The following TRPC1 variants were observed in gnomAD, a reference collection of about 807,000 sequenced individuals.
TRPC1 encodes transient receptor potential cation channel subfamily C member 1, also known as short transient receptor potential channel 1.
Under a neutral mutation model 88.2 loss-of-function variants are expected in TRPC1, and 42 were observed. That is an observed-to-expected ratio of 0.48 (90% CI 0.37 to 0.62). The LOEUF is 0.62. TRPC1 is among the 20% of genes least tolerant of loss of function. The probability of loss-of-function intolerance (pLI) is 0.00; values close to 1 mark genes in which losing one functional copy is unlikely to be tolerated. For synonymous variants in TRPC1, 288 were observed against 331.8 expected, an observed-to-expected ratio of 0.87 and a Z score of 1.43; for missense variants, 699 against 957.3, an observed-to-expected ratio of 0.73 and a Z score of 3.56.
chr3:142,786,231 C>G (rs913588583), intron 7 of TRPC1, among the ~76,000 whole-genome samples: 6 of 152,150 alleles, frequency 3.9e-5, no homozygotes, highest in African/African-American at 1.2e-4. Context: ...TTAGTCTTAT[C>G]TATGGCACAA....
Position 142,724,588 on chromosome 3 carries a change from A to G in TRPC1, c.29A>G (p.Asp10Gly), listed in dbSNP as rs763751690. The G allele has an allele frequency of 1.9e-6, 3 of 1,593,434 alleles. No individual in the cohort carries two copies. The highest frequency in any genetic ancestry group is 1.1e-5 in the South Asian group (1 of 88,390). MMAALYPSTDLSGASSSSLP... is the reference protein window; with the variant it reads MMAALYPSTGLSGASSSSLP... Reference sequence around the variant, plus strand: ...ATGGCGGCCCTGTACCCGAGCACGGACCTCTCGGGCGCCTCCTCCTCCTCC... The same window carrying G: ...ATGGCGGCCCTGTACCCGAGCACGGGCCTCTCGGGCGCCTCCTCCTCCTCC... The change falls in exon 1 of 13, where the codon GAC becomes GGC. Residue 10 changes from aspartate to glycine, a missense_variant. Coordinates refer to ENST00000476941, the MANE Select transcript of TRPC1 (RefSeq NM_001251845.2). This position sits in a 1 kb window ranked among gnomAD's most constrained non-coding sequence, Gnocchi z 5.6.
At chr3:142,731,970 T>C (rs1933939690) in intron 1 of TRPC1, among the ~76,000 whole-genome samples, 1 of 152,164 alleles carries the variant, frequency 6.6e-6, no homozygotes, top group South Asian at 2.1e-4. Flanking sequence ...GCTGCTTTTG[T>C]GTTGAAAGGG....
intron 2 of TRPC1, 119 bp from the exon 3 acceptor site, chr3:142,743,366 T>C: frequency 1.4e-6 from 1 of 704,704 alleles, no homozygotes; most frequent in Non-Finnish European, 2.1e-6. Flanking sequence ...TGAAAAATTT[T>C]GTATTACTGT....
Position 142,777,782 on chromosome 3 carries a change from T to C in TRPC1, c.764+19T>C. On this transcript the variant is annotated intron_variant, in intron 5 of 12. Coordinates refer to ENST00000476941, the MANE Select transcript of TRPC1 (RefSeq NM_001251845.2). ...AATTCAGGTGGGAATGAATGCAAAT[T>C]ATATAATGTATTTTGTTTTAAATCT... 6.3e-7 allele frequency: 1 copy of C among 1,595,404 alleles called. No homozygotes were observed. The highest frequency in any genetic ancestry group is 1.8e-5 in the Admixed American group (1 of 56,858).
chr3:142,753,748 T>G (rs1934861996), intron 4 of TRPC1, among the ~76,000 whole-genome samples: 1 of 137,402 alleles, frequency 7.3e-6, no homozygotes, highest in Non-Finnish European at 1.6e-5. Flanking sequence ...AAAAAAAAAC[T>G]TAGAGAAATA....
rs76256260 is a variant in TRPC1, at chr3:142,792,115, C to T, written c.1438-709C>T. Among the ~76,000 whole-genome samples the T allele has an allele frequency of 3.5e-3, 539 of 151,970 alleles. 1 individual carries two copies. Among genetic ancestry groups the T allele is most frequent in the Middle Eastern group, 6.8e-3 (2 of 292 alleles). On this transcript the variant is annotated intron_variant, in intron 8 of 12. Transcript: ENST00000476941. The surrounding 1 kb of genome is among the most constrained non-coding windows in gnomAD (Gnocchi z 4.0). ...TCAGTAGTATGGAATATGTTAGGTACGTTCAGTGTCTAGAGTGTGAAATTA... is the reference window on the plus strand; with the variant it reads ...TCAGTAGTATGGAATATGTTAGGTATGTTCAGTGTCTAGAGTGTGAAATTA...
intron 9 of TRPC1, chr3:142,793,926 C>G: frequency 1.0e-6 from 1 of 983,112 alleles, no homozygotes; most frequent in South Asian, 4.7e-5. Context: ...AAGTGTGGCT[C>G]TCTTAACCAA....
At chr3:142,760,987 G>A (rs1264162010) in intron 4 of TRPC1, among the ~76,000 whole-genome samples, 2 of 151,834 alleles carry the variant, frequency 1.3e-5, no homozygotes, top group Non-Finnish European at 2.9e-5. Flanking sequence ...ATAGTTTTTT[G>A]GTGGAGTATT....
chr3:142,724,424 C>G lies in TRPC1; in HGVS notation c.-136C>G, dbSNP rs1933567604. Reference sequence around the variant, plus strand: ...GGGAGGCGACGCCCTTCGGGGCCAACGGGCCTCGAGCCGAGGCAGCAGTGG... The same window carrying G: ...GGGAGGCGACGCCCTTCGGGGCCAAGGGGCCTCGAGCCGAGGCAGCAGTGG... On this transcript the variant is annotated 5_prime_UTR_variant, in exon 1 of 13. Coordinates refer to ENST00000476941, the MANE Select transcript of TRPC1 (RefSeq NM_001251845.2). This position sits in a 1 kb window ranked among gnomAD's most constrained non-coding sequence, Gnocchi z 5.6. 2 of 808,350 alleles carry G rather than the reference C, an allele frequency of 2.5e-6. No individual in the cohort carries two copies. The highest frequency in any genetic ancestry group is 3.6e-6 in the Non-Finnish European group (2 of 562,800). The allele number at this position is 808,350 out of a possible 1,614,324, so 50.1% of individuals were successfully genotyped here.
At chr3:142,766,066 T>A (rs1935376223) in intron 4 of TRPC1, among the ~76,000 whole-genome samples, 1 of 152,132 alleles carries the variant, frequency 6.6e-6, no homozygotes, top group East Asian at 1.9e-4. Context: ...GGCAAGGTTA[T>A]GGAGAAAAAG....
chr3:142,757,014 T>G (rs1482595847), intron 4 of TRPC1, among the ~76,000 whole-genome samples: 1 of 152,196 alleles, frequency 6.6e-6, no homozygotes, highest in Non-Finnish European at 1.5e-5. Flanking sequence ...CTTAGCATAA[T>G]GGCCTCAGGT....
intron 2 of TRPC1, among the ~76,000 whole-genome samples, chr3:142,738,121 A>G (rs1207275103): frequency 2.0e-5 from 3 of 152,218 alleles, no homozygotes; most frequent in Non-Finnish European, 4.4e-5. Context: ...CAACCTATAT[A>G]GATGTTACAT....
chr3:142,727,994 A>G (rs894728601), intron 1 of TRPC1, among the ~76,000 whole-genome samples: 1 of 151,090 alleles, frequency 6.6e-6, no homozygotes, highest in South Asian at 2.1e-4. Flanking sequence ...AAAAAAAAAA[A>G]CTTGTTGAGT....
intron 3 of TRPC1, among the ~76,000 whole-genome samples, chr3:142,744,108 A>G (rs1471232262): frequency 6.6e-6 from 1 of 152,160 alleles, no homozygotes; most frequent in Non-Finnish European, 1.5e-5. Flanking sequence ...TCATAAATTA[A>G]TAATCTTAAT....
At chr3:142,803,464 C>T (rs1936685195) in intron 10 of TRPC1, among the ~76,000 whole-genome samples, 1 of 152,090 alleles carries the variant, frequency 6.6e-6, no homozygotes, top group African/African-American at 2.4e-5. Flanking sequence ...GACTTTTTTG[C>T]CCTTGTAAGG....
At chr3:142,803,734 T>C (rs1446729639) in intron 10 of TRPC1, among the ~76,000 whole-genome samples, 1 of 152,208 alleles carries the variant, frequency 6.6e-6, no homozygotes, top group Non-Finnish European at 1.5e-5. Flanking sequence ...GGCTGCCTTG[T>C]TGAGAACAGA....
chr3:142,798,976 G>A (rs1444605500), intron 9 of TRPC1, among the ~76,000 whole-genome samples: 1 of 152,042 alleles, frequency 6.6e-6, no homozygotes, highest in East Asian at 1.9e-4. Context: ...ATTTCTAAGG[G>A]TAAGTCTCCA....
intron 4 of TRPC1, among the ~76,000 whole-genome samples, chr3:142,766,652 A>G (rs376985972): frequency 1.4e-3 from 217 of 152,110 alleles, no homozygotes; most frequent in African/African-American, 4.7e-3. Flanking sequence ...AAGTGCTGGG[A>G]TTACAGGTGT....
At chr3:142,756,685 C>T (rs1380454767) in intron 4 of TRPC1, among the ~76,000 whole-genome samples, 1 of 152,148 alleles carries the variant, frequency 6.6e-6, no homozygotes, top group Non-Finnish European at 1.5e-5. Flanking sequence ...AATTCTGCCA[C>T]ATACTTACTG....
Sources: gnomAD v4.1 joint callset for allele counts (sites outside exome capture counted in the v4.1 genomes callset) on GRCh38, gnomAD v4.1.1 for gene constraint, Gnocchi (gnomAD v3.1) non-coding constraint, MANE v1.5 for transcripts, NCBI Gene and HGNC (gene_info 2026-07-23, HGNC 2026-07-21) for gene names.